Variants in PLPP4 observed in about 807,000 individuals in gnomAD.
PLPP4 encodes phospholipid phosphatase 4, also known as diacylglycerol pyrophosphate like 2.
In PLPP4, 20 loss-of-function variants were observed where a neutral mutation model predicts 32.2. The ratio of observed to expected loss-of-function variants is 0.62; its 90% CI spans 0.44 to 0.90. The LOEUF (loss-of-function observed/expected upper bound fraction) is 0.90. Among genes scored for constraint, PLPP4 ranks in the 40% least tolerant of loss-of-function variants. The probability of loss-of-function intolerance (pLI) is 0.00; values close to 1 mark genes in which losing one functional copy is unlikely to be tolerated. For missense variants in PLPP4, 257 were observed against 353.1 expected, an observed-to-expected ratio of 0.73 and a Z score of 2.18; for synonymous variants, 127 against 133.0, an observed-to-expected ratio of 0.95 and a Z score of 0.31.
chr10:120,482,843 C>T (rs367587364), intron 1 of PLPP4, among the ~76,000 whole-genome samples: 38 of 152,068 alleles, frequency 2.5e-4, no homozygotes, highest in African/African-American at 8.7e-4. Flanking sequence ...ATCTGGAAGG[C>T]GGAGCTTGCT....
chr10:120,551,206 T>C (rs1847885832), intron 5 of PLPP4, among the ~76,000 whole-genome samples: 1 of 152,164 alleles, frequency 6.6e-6, no homozygotes, highest in African/African-American at 2.4e-5. Flanking sequence ...TTAGAATAGC[T>C]AAATTCAAAA....
intron 5 of PLPP4, among the ~76,000 whole-genome samples, chr10:120,527,157 A>G (rs1038206530): frequency 6.6e-5 from 10 of 152,198 alleles, no homozygotes; most frequent in African/African-American, 2.4e-4. Context: ...TATCTTAGCA[A>G]TCAATCAATT....
intron 4 of PLPP4, among the ~76,000 whole-genome samples, chr10:120,519,687 A>G (rs1400391533): frequency 1.3e-5 from 2 of 152,162 alleles, no homozygotes; most frequent in Non-Finnish European, 2.9e-5. Flanking sequence ...CCAGAGAGAC[A>G]GTACCCCAGC....
chr10:120,574,158 ACACACACACACTCT>A (rs1849076679), intron 5 of PLPP4, among the ~76,000 whole-genome samples: 4 of 121,180 alleles, frequency 3.3e-5, no homozygotes, highest in Non-Finnish European at 4.9e-5. Context: ...ACACACACAC[ACACACACACACTCT>A]CTCTCTCTCT....
chr10:120,533,661 A>C (rs1483939845), intron 5 of PLPP4, among the ~76,000 whole-genome samples: 1 of 152,134 alleles, frequency 6.6e-6, no homozygotes, highest in East Asian at 1.9e-4. Context: ...TTATTACTGT[A>C]CATATTGTAT....
Position 120,457,286 on chromosome 10 carries a change from G to C in PLPP4, c.-20G>C. 2.0e-6 allele frequency: 3 copies of C among 1,483,998 alleles called. No individual in the cohort carries two copies. The South Asian group carries it at 3.9e-5, about 19-fold the overall frequency. 91.9% of individuals were successfully genotyped at this position (1,483,998 alleles called of 1,614,324 possible). ...GCGGAGAGCACCAGCTGACGCCGCG[G>C]GAGCTGCTCCGGCCGCACCATGCGG... On this transcript the variant is annotated 5_prime_UTR_variant, in exon 1 of 7. Transcript: ENST00000398250.
rs529777532 is a variant in PLPP4, at chr10:120,531,162, C to T, written c.445+10067C>T. Among the ~76,000 whole-genome samples the T allele has an allele frequency of 4.3e-4, 64 of 148,338 alleles. No homozygotes were observed. In the South Asian group the frequency reaches 0.013, roughly 30 times the overall value. ...GAAGTGCAGTGGCACCATCTCGGCT[C>T]GCTGCAACCTCTGGCTCACTACAAT... On this transcript the variant is annotated intron_variant, in intron 5 of 6. Coordinates refer to ENST00000398250, the MANE Select transcript of PLPP4 (RefSeq NM_001030059.3).
At chr10:120,502,665 G>A (rs946223946) in intron 1 of PLPP4, among the ~76,000 whole-genome samples, 1 of 152,140 alleles carries the variant, frequency 6.6e-6, no homozygotes. Flanking sequence ...CTCATACAAC[G>A]TCCCAAATCT....
At chr10:120,479,098 C>T (rs1365541207) in intron 1 of PLPP4, among the ~76,000 whole-genome samples, 5 of 152,092 alleles carry the variant, frequency 3.3e-5, no homozygotes, top group South Asian at 4.2e-4. Context: ...TGGTGGTGGG[C>T]GCCTGTAGTC....
intron 1 of PLPP4, among the ~76,000 whole-genome samples, chr10:120,486,510 A>G (rs1844464576): frequency 6.6e-6 from 1 of 152,190 alleles, no homozygotes; most frequent in Non-Finnish European, 1.5e-5. Context: ...TACATCATTC[A>G]TAGTGGTTGT....
chr10:120,460,518 T>G (rs1238511286), intron 1 of PLPP4, among the ~76,000 whole-genome samples: 1 of 152,204 alleles, frequency 6.6e-6, no homozygotes, highest in Non-Finnish European at 1.5e-5. Flanking sequence ...ACTGAGATCT[T>G]ACTGTGTGTC....
At chr10:120,483,085 G>A (rs193134492) in intron 1 of PLPP4, among the ~76,000 whole-genome samples, 1 of 152,278 alleles carries the variant, frequency 6.6e-6, no homozygotes, top group Admixed American at 6.5e-5. Context: ...GAGTCTTTCA[G>A]CCTTCATCTT....
In PLPP4 at chr10:120,575,159, G is replaced by A. The variant is rs1183089296; in HGVS notation, c.474G>A (p.Thr158=). Residue 158 remains threonine (T), a synonymous_variant, in exon 6 of 7, where the codon ACG becomes ACA. Transcript: ENST00000398250. The part of the protein sequence containing the change: ...SFAFSGLGFT[T]FYLAGKLHCF... ...CCTTTTCGGGCCTTGGCTTCACGAC[G>A]TTCTACTTGGCGGGCAAGCTGCACT... The A allele has an allele frequency of 7.4e-6, 12 of 1,613,730 alleles. No individual in the cohort carries two copies. Among genetic ancestry groups the A allele is most frequent in the African/African-American group, 1.3e-5 (1 of 74,924 alleles).
intron 1 of PLPP4, among the ~76,000 whole-genome samples, chr10:120,497,154 G>A (rs1055649844): frequency 3.9e-5 from 6 of 152,092 alleles, no homozygotes; most frequent in Admixed American, 6.5e-5. Context: ...ACCAAAAAAA[G>A]GTAGTCGGTG....
At chr10:120,548,774 G>C (rs1182546588) in intron 5 of PLPP4, among the ~76,000 whole-genome samples, 1 of 151,812 alleles carries the variant, frequency 6.6e-6, no homozygotes, top group East Asian at 1.9e-4. Flanking sequence ...CACTCTGACT[G>C]TCATGAAATG....
At chr10:120,549,235 TAAAGAA>T (rs1436878493) in intron 5 of PLPP4, among the ~76,000 whole-genome samples, 1 of 151,060 alleles carries the variant, frequency 6.6e-6, no homozygotes, top group Non-Finnish European at 1.5e-5. Flanking sequence ...CCTAAATACT[TAAAGAA>T]AAGATAATCT....
At position 120,585,099 on chromosome 10, in the gene PLPP4, C is replaced by T. The variant is rs138421245; in HGVS notation, c.617-4204C>T. On this transcript the variant is annotated intron_variant, in intron 6 of 6. Transcript: ENST00000398250. ...TGGCTCAACTGCAGATGTTGTGGATCGTTTTAGATGCTAATAGAAATACCT... is the reference window on the plus strand; with the variant it reads ...TGGCTCAACTGCAGATGTTGTGGATTGTTTTAGATGCTAATAGAAATACCT... Among the ~76,000 whole-genome samples, 649 of 152,236 alleles carry T rather than the reference C, an allele frequency of 4.3e-3. 2 individuals carry two copies. The highest frequency in any genetic ancestry group is 6.8e-3 in the Middle Eastern group (2 of 294).
At chr10:120,521,818 A>C (rs192574700) in intron 5 of PLPP4, among the ~76,000 whole-genome samples, 167 of 152,378 alleles carry the variant, frequency 1.1e-3, no homozygotes, top group Admixed American at 2.2e-3. Context: ...AGCAGCAGCT[A>C]TGCCAAAATG....
chr10:120,584,368 T>C (rs1050733792), intron 6 of PLPP4, among the ~76,000 whole-genome samples: 2 of 152,224 alleles, frequency 1.3e-5, no homozygotes, highest in African/African-American at 4.8e-5. Flanking sequence ...CATTGTTTAG[T>C]GTCTGTCTTG....
Sources: allele counts gnomAD v4.1 joint callset (sites outside exome capture counted in the v4.1 genomes callset), GRCh38; gene constraint gnomAD v4.1.1; transcripts MANE v1.5; gene names NCBI Gene and HGNC (gene_info 2026-07-23, HGNC 2026-07-21).